The following CIROZ variants were observed in gnomAD, a reference collection of about 807,000 sequenced individuals.
CIROZ encodes ciliated left-right organizer protein containing ZP-N domains, also known as ciliated left-right organizer ZP-N domains-containing protein.
chr1:10,948,861 G>A, the CIROZ span: 8 of 1,478,706 alleles, frequency 5.4e-6, no homozygotes, highest in South Asian at 1.6e-5. Flanking sequence ...CAAGAGAGAA[G>A]TGGAGAGAGA....
At chr1:10,962,415 C>A in the CIROZ span, among the ~76,000 whole-genome samples, 2 of 152,168 alleles carry the variant, frequency 1.3e-5, no homozygotes, top group Non-Finnish European at 2.9e-5. Context: ...CCACTGCACT[C>A]CAGCCTGGGT....
At chr1:10,963,312 C>G in the CIROZ span, among the ~76,000 whole-genome samples, 3 of 151,968 alleles carry the variant, frequency 2.0e-5, no homozygotes, top group African/African-American at 7.3e-5. Context: ...TCGCTTGAAC[C>G]CAGGAGGCAG....
At chr1:10,951,745 A>AAAAAAAATATATAT in the CIROZ span, among the ~76,000 whole-genome samples, 20 of 119,178 alleles carry the variant, frequency 1.7e-4, no homozygotes, top group Middle Eastern at 4.2e-3. Flanking sequence ...AAAAAAAAAA[A>AAAAAAAATATATAT]ATATATATAT....
At chr1:10,962,747 T>A in the CIROZ span, among the ~76,000 whole-genome samples, 2 of 152,166 alleles carry the variant, frequency 1.3e-5, no homozygotes, top group Non-Finnish European at 2.9e-5. Flanking sequence ...ACCAACTACA[T>A]AGAATCGCTA....
At chr1:10,948,018 G>A in the CIROZ span, 12 of 1,613,336 alleles carry the variant, frequency 7.4e-6, no homozygotes, top group Non-Finnish European at 9.3e-6. Context: ...TGGTGGCAGA[G>A]GTTCCATAGG....
At chr1:10,964,210 C>T in the CIROZ span, 1 of 1,614,246 alleles carries the variant, frequency 6.2e-7, no homozygotes, top group African/African-American at 1.3e-5. Context: ...GTAGCGATCA[C>T]TCCGCTCCAA....
the CIROZ span, among the ~76,000 whole-genome samples, chr1:10,973,875 C>T: frequency 1.4e-4 from 22 of 152,116 alleles, no homozygotes; most frequent in Non-Finnish European, 2.1e-4. Context: ...GATCTGCCTT[C>T]CCGGGTGCAG....
the CIROZ span, chr1:10,957,035 C>T: frequency 1.3e-6 from 2 of 1,551,124 alleles, no homozygotes; most frequent in South Asian, 2.4e-5. Context: ...GGTGGGCAAG[C>T]AGCTTCTAAA....
At chr1:10,966,711 G>T in the CIROZ span, among the ~76,000 whole-genome samples, 1 of 152,094 alleles carries the variant, frequency 6.6e-6, no homozygotes, top group Admixed American at 6.5e-5. Context: ...ATCTCCCCAC[G>T]TGAATCCTCG....
chr1:10,980,819 G>C, the CIROZ span, among the ~76,000 whole-genome samples: 1 of 152,210 alleles, frequency 6.6e-6, no homozygotes, highest in African/African-American at 2.4e-5. Flanking sequence ...AGTCTGGGGG[G>C]AGACATGATG....
chr1:10,949,809 C>G, the CIROZ span: 3 of 1,553,066 alleles, frequency 1.9e-6, no homozygotes, highest in Non-Finnish European at 2.6e-6. Flanking sequence ...GACTCTGTTC[C>G]TGAACCTTCC....
chr1:10,971,029 G>A, the CIROZ span, among the ~76,000 whole-genome samples: 3 of 43,832 alleles, frequency 6.8e-5, no homozygotes, highest in Non-Finnish European at 1.4e-4. Flanking sequence ...GTGCATGCCT[G>A]TGGTCCCAGC....
the CIROZ span, chr1:10,969,951 G>A: frequency 6.6e-6 from 10 of 1,520,286 alleles, no homozygotes; most frequent in African/African-American, 1.1e-4. Context: ...ACCCCGCCCA[G>A]CCACCGACCA....
chr1:10,956,918 G>A, the CIROZ span: 8 of 961,684 alleles, frequency 8.3e-6, no homozygotes, highest in Middle Eastern at 2.3e-4. Context: ...GGAGAGGAGA[G>A]GTGGGATGAG....
At chr1:10,974,956 C>G in the CIROZ span, among the ~76,000 whole-genome samples, 1 of 151,964 alleles carries the variant, frequency 6.6e-6, no homozygotes, top group Non-Finnish European at 1.5e-5. This position sits in a 1 kb window ranked among gnomAD's most constrained non-coding sequence, Gnocchi z 4.4. Flanking sequence ...CAAAAATAGC[C>G]CCCCCTTCAC....
At chr1:10,962,267 G>A in the CIROZ span, among the ~76,000 whole-genome samples, 1 of 152,036 alleles carries the variant, frequency 6.6e-6, no homozygotes, top group Non-Finnish European at 1.5e-5. Flanking sequence ...CCAACATGAG[G>A]AAACCCCGTC....
chr1:10,951,745 A>AAAAAAAATATAT, the CIROZ span, among the ~76,000 whole-genome samples: 87 of 119,166 alleles, frequency 7.3e-4, no homozygotes, highest in African/African-American at 1.8e-3. Flanking sequence ...AAAAAAAAAA[A>AAAAAAAATATAT]ATATATATAT....
the CIROZ span, chr1:10,948,592 C>A: frequency 8.1e-6 from 13 of 1,614,144 alleles, no homozygotes; most frequent in Non-Finnish European, 1.0e-5. Flanking sequence ...GGAGAGGAGG[C>A]ATCTGAGGAC....
At chr1:10,969,923 A>G in the CIROZ span, 1 of 1,483,006 alleles carries the variant, frequency 6.7e-7, no homozygotes, top group Non-Finnish European at 8.9e-7. Context: ...GGAAGGCAAC[A>G]CAAAAGCCCC....
Sources: gnomAD v4.1 joint callset for allele counts (sites outside exome capture counted in the v4.1 genomes callset) on GRCh38, gnomAD v4.1.1 for gene constraint, Gnocchi (gnomAD v3.1) non-coding constraint, MANE v1.5 for transcripts, NCBI Gene and HGNC (gene_info 2026-07-23, HGNC 2026-07-21) for gene names.